The following BPTF variants were observed in gnomAD, a reference collection of about 807,000 sequenced individuals.
The protein encoded by BPTF is nucleosome-remodeling factor subunit BPTF.
A neutral mutation model predicts 292.5 loss-of-function variants in BPTF; 18 were observed. The observed-to-expected ratio is 0.06, with a 90% CI of 0.04 to 0.09. The LOEUF (loss-of-function observed/expected upper bound fraction) is 0.09. Ranked by LOEUF, BPTF falls within the 10% of genes least tolerant of loss-of-function variation. The pLI, the probability that BPTF is intolerant of heterozygous loss-of-function variation, is 1.00. For missense variants in BPTF, 2,726 were observed against 3,498.7 expected (o/e 0.78, Z 5.57); for synonymous variants, 1,225 against 1,251.9 (o/e 0.98, Z 0.45).
At chr17:67,964,555 C>T (rs367966505) in intron 25 of BPTF, 151 bp downstream of exon 25, 25 of 881,354 alleles carry the variant, frequency 2.8e-5, no homozygotes, top group Middle Eastern at 3.5e-4. Context: ...CAGTCCTTCA[C>T]GTACCAGTGC....
intron 1 of BPTF, among the ~76,000 whole-genome samples, chr17:67,837,685 CA>C (rs2057241684): frequency 6.6e-6 from 1 of 152,224 alleles, no homozygotes; most frequent in African/African-American, 2.4e-5. Context: ...GCTGGGATTA[CA>C]GGCGTGAGCC....
intron 27 of BPTF, 73 bp from the exon 28 acceptor site, chr17:67,982,179 G>A (rs782358479): frequency 5.9e-6 from 8 of 1,352,860 alleles, no homozygotes; most frequent in Non-Finnish European, 7.4e-6. Flanking sequence ...ACTGACCTTG[G>A]CATCCGCATA....
chr17:67,945,677 C>A lies in BPTF; in HGVS notation c.6969C>A (p.Pro2323=), dbSNP rs570400529. 96 of 1,614,158 alleles carry A rather than the reference C, an allele frequency of 5.9e-5. No individual in the cohort carries two copies. In the South Asian group the frequency reaches 1.0e-3, roughly 17 times the overall value. ...CCACCCACGCACAGTCATCCAAGCCCCAAGTTGCAGCACAGTCTCAGCCTC... is the reference window on the plus strand; with the variant it reads ...CCACCCACGCACAGTCATCCAAGCCACAAGTTGCAGCACAGTCTCAGCCTC... ...AQPTHAQSSK[P]QVAAQSQPQS... is the part of the protein sequence containing the mutation. The change falls in exon 21 of 28, where the codon CCC becomes CCA. Residue 2323 remains proline (P), a synonymous_variant. Coordinates refer to ENST00000306378, the MANE Select transcript of BPTF (RefSeq NM_182641.4).
chr17:67,850,361 A>G (rs2058316678), intron 1 of BPTF, among the ~76,000 whole-genome samples: 1 of 151,862 alleles, frequency 6.6e-6, no homozygotes, highest in South Asian at 2.1e-4. Context: ...CTTTTGCCTC[A>G]TGGTGTTTTT....
At chr17:67,899,101 T>C (rs2061648459) in intron 7 of BPTF, among the ~76,000 whole-genome samples, 1 of 152,090 alleles carries the variant, frequency 6.6e-6, no homozygotes, top group Non-Finnish European at 1.5e-5. Flanking sequence ...CAAACTTTTG[T>C]AAAATTACAG....
In BPTF at chr17:67,861,041, C is replaced by T. The variant is rs115402182; in HGVS notation, c.1437-5423C>T. ...TGTCCAGCAGACTCCTGGACCTGTC[C>T]GCAAGGCAGGCACCTCAAACGTGTT... On this transcript the variant is annotated intron_variant, in intron 2 of 27. Transcript: ENST00000306378. Among the ~76,000 whole-genome samples, 677 of 152,278 alleles carry T rather than the reference C, an allele frequency of 4.4e-3. 5 individuals are homozygous for T. Among genetic ancestry groups the T allele is most frequent in the African/African-American group, 0.015 (632 of 41,562 alleles).
chr17:67,924,221 A>G (rs553046873), intron 14 of BPTF, among the ~76,000 whole-genome samples: 1 of 151,114 alleles, frequency 6.6e-6, no homozygotes, highest in Non-Finnish European at 1.5e-5. Flanking sequence ...TCCCAAAATG[A>G]TGGGATTACA....
chr17:67,831,059 C>A (rs1255355632), intron 1 of BPTF, among the ~76,000 whole-genome samples: 3 of 152,120 alleles, frequency 2.0e-5, no homozygotes, highest in African/African-American at 7.2e-5. Flanking sequence ...TTGGGATGAT[C>A]GGAAGATCTT....
At chr17:67,880,795 T>A (rs1261102652) in intron 4 of BPTF, among the ~76,000 whole-genome samples, 1 of 152,028 alleles carries the variant, frequency 6.6e-6, no homozygotes, top group African/African-American at 2.4e-5. Flanking sequence ...TTATCTTTTT[T>A]TTTTCTAGTT....
intron 4 of BPTF, among the ~76,000 whole-genome samples, chr17:67,879,767 G>A (rs1417255353): frequency 2.0e-5 from 3 of 152,056 alleles, no homozygotes; most frequent in South Asian, 2.1e-4. Flanking sequence ...TAGGGGAGGC[G>A]GGGGTGGCAG....
intron 24 of BPTF, among the ~76,000 whole-genome samples, chr17:67,960,812 T>C (rs1282242855): frequency 2.6e-5 from 4 of 152,204 alleles, no homozygotes. Context: ...GATGTTCAAG[T>C]TGCAACATTG....
At chr17:67,968,082 G>A (rs782149897) in intron 26 of BPTF, among the ~76,000 whole-genome samples, 2 of 151,100 alleles carry the variant, frequency 1.3e-5, no homozygotes, top group Non-Finnish European at 2.9e-5. Context: ...GTATCAACAC[G>A]AATGGCTACA....
chr17:67,912,676 G>A lies in BPTF; in HGVS notation c.4792G>A (p.Glu1598Lys). ...VTTMTSTVATESKTVIKVEKG... is the reference protein window; with the variant it reads ...VTTMTSTVATKSKTVIKVEKG... ...CACGATGACCTCCACAGTGGCCACA[G>A]AATCAAAAACTGTGATCAAGGTAGA... Residue 1598 changes from glutamate to lysine, a missense_variant, in exon 11 of 28, where the codon GAA becomes AAA. Coordinates refer to ENST00000306378, the MANE Select transcript of BPTF (RefSeq NM_182641.4). 6.2e-7 allele frequency: 1 copy of A among 1,614,070 alleles called. No homozygotes were observed. The highest frequency in any genetic ancestry group is 8.5e-7 in the Non-Finnish European group (1 of 1,180,042).
At chr17:67,878,742 GCTT>G (rs1238310357) in intron 4 of BPTF, among the ~76,000 whole-genome samples, 1 of 151,902 alleles carries the variant, frequency 6.6e-6, no homozygotes, top group African/African-American at 2.4e-5. Flanking sequence ...GTACCTGTCT[GCTT>G]CTTTGTTCAT....
intron 7 of BPTF, among the ~76,000 whole-genome samples, chr17:67,896,504 A>G (rs1384138236): frequency 6.6e-6 from 1 of 152,238 alleles, no homozygotes; most frequent in Non-Finnish European, 1.5e-5. Context: ...TGAATCTAAA[A>G]TAAAAATTTT....
intron 19 of BPTF, among the ~76,000 whole-genome samples, chr17:67,942,833 T>A (rs1177485025): frequency 1.3e-5 from 2 of 152,164 alleles, no homozygotes; most frequent in Non-Finnish European, 2.9e-5. Context: ...CACAAATATA[T>A]AATGGTAAGC....
chr17:67,923,062 T>G, intron 14 of BPTF, 72 bp downstream of exon 14: 1 of 1,494,536 alleles, frequency 6.7e-7, no homozygotes, highest in Non-Finnish European at 9.0e-7. Context: ...ATTACTTTTT[T>G]TTTTTTTTTT....
intron 4 of BPTF, among the ~76,000 whole-genome samples, chr17:67,880,956 T>C (rs55739716): frequency 0.15 from 14,486 of 98,768 alleles, 2,400 homozygotes; most frequent in African/African-American, 0.36. Context: ...ATTATATATA[T>C]ATACACACAC....
intron 12 of BPTF, 129 bp from the exon 13 acceptor site, chr17:67,919,886 C>T (rs1004327132): frequency 3.1e-5 from 24 of 783,158 alleles, no homozygotes; most frequent in Non-Finnish European, 4.7e-5. Flanking sequence ...GTTAGTGATC[C>T]TGTTAATTAA....
Sources: gnomAD v4.1 joint callset for allele counts (sites outside exome capture counted in the v4.1 genomes callset) on GRCh38, gnomAD v4.1.1 for gene constraint, MANE v1.5 for transcripts, NCBI Gene and HGNC (gene_info 2026-07-23, HGNC 2026-07-21) for gene names.